The following SLC30A6 variants were observed in gnomAD, a reference collection of about 807,000 sequenced individuals.
SLC30A6 encodes the protein solute carrier family 30 member 6.
Under a neutral mutation model 63.0 loss-of-function variants are expected in SLC30A6, and 55 were observed. The ratio of observed to expected loss-of-function variants is 0.87; its 90% CI spans 0.70 to 1.09. The LOEUF (loss-of-function observed/expected upper bound fraction) is 1.09. Among genes scored for constraint, SLC30A6 ranks in the 50% least tolerant of loss-of-function variants. SLC30A6 has a pLI of 0.00. For missense variants in SLC30A6, 587 were observed against 549.2 expected (o/e 1.07, Z -0.69); for synonymous variants, 224 against 186.1 (o/e 1.20, Z -1.66).
chr2:32,175,209 C>G (rs1031458937), intron 3 of SLC30A6, 110 bp from the exon 4 acceptor site: 1 of 1,007,128 alleles, frequency 9.9e-7, no homozygotes, highest in South Asian at 1.5e-5. Flanking sequence ...GCCCGTGACT[C>G]AAAAGTTTTT....
rs769329490 is a variant in SLC30A6 at position 32,165,893 on chromosome 2, T to G, written c.-8T>G. On this transcript the variant is annotated 5_prime_UTR_variant, in exon 1 of 14. Coordinates refer to ENST00000282587, the MANE Select transcript of SLC30A6 (RefSeq NM_017964.5). ...CGGCTTCCGGCGGGAGCTGTGCAGC[T>G]CCTTATCATGGTGAGTTGGCTGTTG... 2 of 1,614,134 alleles carry G rather than the reference T, an allele frequency of 1.2e-6. No homozygotes were observed. Among genetic ancestry groups the G allele is most frequent in the Middle Eastern group, 1.7e-4 (1 of 6,044 alleles).
chr2:32,192,294 A>AT (rs765085509), intron 5 of SLC30A6, 42 bp from the exon 6 acceptor site: 1 of 1,568,244 alleles, frequency 6.4e-7, no homozygotes, highest in Non-Finnish European at 8.8e-7. Context: ...TGGTTTGTGA[A>AT]TTGAAAGAAT....
At chr2:32,216,875 A>G (rs1325866662) in intron 13 of SLC30A6, among the ~76,000 whole-genome samples, 1 of 150,884 alleles carries the variant, frequency 6.6e-6, no homozygotes, top group East Asian at 1.9e-4. Context: ...GTCTCGCAAG[A>G]TTCTTACAGT....
At chr2:32,199,453 T>C (rs1684076893) in intron 10 of SLC30A6, among the ~76,000 whole-genome samples, 1 of 152,216 alleles carries the variant, frequency 6.6e-6, no homozygotes, top group South Asian at 2.1e-4. Flanking sequence ...GGTATATATA[T>C]TTATGGGGTA....
At chr2:32,212,417 T>C (rs1253936005) in intron 13 of SLC30A6, among the ~76,000 whole-genome samples, 1 of 151,974 alleles carries the variant, frequency 6.6e-6, no homozygotes, top group Non-Finnish European at 1.5e-5. Context: ...CCCTCTCTTC[T>C]TTTCTGTTGC....
intron 1 of SLC30A6, among the ~76,000 whole-genome samples, chr2:32,169,968 T>A (rs1681048773): frequency 6.6e-6 from 1 of 152,254 alleles, no homozygotes; most frequent in South Asian, 2.1e-4. Context: ...AAAAATAGTT[T>A]GTGGAAGCTC....
chr2:32,171,749 A>G (rs892300954), intron 2 of SLC30A6, among the ~76,000 whole-genome samples: 2 of 151,742 alleles, frequency 1.3e-5, no homozygotes, highest in East Asian at 3.9e-4. Context: ...CTGGAGTGCA[A>G]TGGCATGATC....
rs1009458166 is a variant in SLC30A6, at chr2:32,220,694, T to C, written c.1367T>C (p.Ile456Thr). 2.5e-6 allele frequency: 4 copies of C among 1,613,490 alleles called. No individual in the cohort carries two copies. Among genetic ancestry groups the C allele is most frequent in the Non-Finnish European group, 2.5e-6 (3 of 1,179,610 alleles). Residue 456 changes from isoleucine to threonine, a missense_variant, in exon 14 of 14, where the codon ATT (isoleucine) becomes ACT (threonine). Physicochemically the swap from Ile to Thr is moderately conservative, Grantham distance 89. Transcript: ENST00000282587. Reference sequence around the variant, plus strand: ...AGTAGATATGGAACTAATAATAGAATTGGACAACCAAGACCATGATAGACT... The same window carrying C: ...AGTAGATATGGAACTAATAATAGAACTGGACAACCAAGACCATGATAGACT... ...IPSRYGTNNR[I>T]GQPRP
At chr2:32,181,684 T>C (rs1682328827) in intron 4 of SLC30A6, among the ~76,000 whole-genome samples, 1 of 151,916 alleles carries the variant, frequency 6.6e-6, no homozygotes, top group African/African-American at 2.4e-5. Context: ...CTGGGCAACA[T>C]GGTAAAAACC....
intron 1 of SLC30A6, 21 bp from the exon 2 acceptor site, chr2:32,171,266 T>C (rs756754390): frequency 2.6e-5 from 41 of 1,597,506 alleles, no homozygotes; most frequent in Non-Finnish European, 3.4e-5. Flanking sequence ...AAATGCTGAT[T>C]TGTATATGTT....
intron 4 of SLC30A6, among the ~76,000 whole-genome samples, chr2:32,181,959 G>T (rs1304629788): frequency 7.1e-6 from 1 of 141,338 alleles, no homozygotes; most frequent in African/African-American, 2.7e-5. Context: ...TTTTGAGACA[G>T]GGTATTACTC....
At chr2:32,218,518 CTCTTT>C (rs1553340448) in intron 13 of SLC30A6, among the ~76,000 whole-genome samples, 2 of 136,162 alleles carry the variant, frequency 1.5e-5, no homozygotes, top group Admixed American at 1.5e-4. Context: ...CTCAGCTCTC[CTCTTT>C]TGTTTTGTTT....
intron 10 of SLC30A6, chr2:32,202,605 G>T: frequency 4.4e-6 from 2 of 450,172 alleles, no homozygotes; most frequent in Non-Finnish European, 8.4e-6. Flanking sequence ...TGCTGGGATT[G>T]CAGGCGTGAA....
intron 3 of SLC30A6, 145 bp downstream of exon 3, chr2:32,174,292 C>T: frequency 2.0e-6 from 1 of 490,546 alleles, no homozygotes; most frequent in East Asian, 3.4e-5. Flanking sequence ...TTTAAAACTT[C>T]CCTGTAAACT....
chr2:32,224,243 T>A lies in SLC30A6; in HGVS notation c.*3530T>A. 4.5e-6 allele frequency: 2 copies of A among 449,146 alleles called. No homozygotes were observed. Among genetic ancestry groups the A allele is most frequent in the Non-Finnish European group, 7.9e-6 (2 of 254,508 alleles). 27.8% of individuals were successfully genotyped at this position (449,146 alleles called of 1,614,324 possible). A position where few individuals can be genotyped will look rare whatever the true frequency, so the allele number is the denominator to read the frequency against. On this transcript the variant is annotated 3_prime_UTR_variant, in exon 14 of 14. Coordinates refer to ENST00000282587, the MANE Select transcript of SLC30A6 (RefSeq NM_017964.5). ...GTTAATATGCATTCAGTATACCAGTTGGTGTGACCCAGACCAAAGGTAACA... is the reference window on the plus strand; with the variant it reads ...GTTAATATGCATTCAGTATACCAGTAGGTGTGACCCAGACCAAAGGTAACA...
chr2:32,214,323 A>G (rs1685520276), intron 13 of SLC30A6: 1 of 152,226 alleles, frequency 6.6e-6, no homozygotes, highest in Admixed American at 6.5e-5. Context: ...AAATCTGAAA[A>G]TATTCACATT....
chr2:32,223,739 G>A lies in SLC30A6; in HGVS notation c.*3026G>A, dbSNP rs1686266020. The stretch of plus-strand genomic sequence containing the variant: ...GCTTGCCTCTACTTAAATATATTTA[G>A]ATGAGAGAGTTCTCTTAGACTTCTT... On this transcript the variant is annotated 3_prime_UTR_variant, in exon 14 of 14. Transcript: ENST00000282587. 1 of 152,136 alleles carries A rather than the reference G, an allele frequency of 6.6e-6. No individual in the cohort carries two copies. The highest frequency in any genetic ancestry group is 2.1e-4 in the South Asian group (1 of 4,830). 9.4% of individuals were successfully genotyped at this position (152,136 alleles called of 1,614,324 possible).
intron 7 of SLC30A6, among the ~76,000 whole-genome samples, chr2:32,193,225 TC>T (rs1683493662): frequency 6.6e-6 from 1 of 152,118 alleles, no homozygotes; most frequent in Admixed American, 6.6e-5. Context: ...TAACCCAGCT[TC>T]CCCTAGTCTT....
chr2:32,194,272 G>T (rs757091059), intron 8 of SLC30A6, among the ~76,000 whole-genome samples: 1 of 152,170 alleles, frequency 6.6e-6, no homozygotes, highest in Non-Finnish European at 1.5e-5. Context: ...TTCTAAATGT[G>T]TAATCTATCT....
Sources: gnomAD v4.1 joint callset for allele counts (sites outside exome capture counted in the v4.1 genomes callset) on GRCh38, gnomAD v4.1.1 for gene constraint, MANE v1.5 for transcripts, NCBI Gene and HGNC (gene_info 2026-07-23, HGNC 2026-07-21) for gene names.